TWIST2: variants seen among roughly 807,000 people sequenced by gnomAD.
TWIST2 encodes the protein twist family bHLH transcription factor 2.
TWIST2 carries 1 observed loss-of-function variant against 11.6 expected under a neutral mutation model. The ratio of observed to expected loss-of-function variants is 0.09; its 90% CI spans 0.03 to 0.41. TWIST2 has a LOEUF of 0.41. Among genes scored for constraint, TWIST2 ranks in the 10% least tolerant of loss-of-function variants. The probability of loss-of-function intolerance (pLI) is 0.98; values close to 1 mark genes in which losing one functional copy is unlikely to be tolerated. For missense variants in TWIST2, 168 were observed against 226.4 expected (o/e 0.74, Z 1.66); for synonymous variants, 87 against 96.6 (o/e 0.90, Z 0.58).
intron 1 of TWIST2, among the ~76,000 whole-genome samples, chr2:238,906,487 C>T (rs1693357758): frequency 6.6e-6 from 1 of 152,152 alleles, no homozygotes; most frequent in Non-Finnish European, 1.5e-5. Flanking sequence ...CACACAGACC[C>T]ACTCATGGAT....
chr2:238,848,233 C>T lies in TWIST2; in HGVS notation c.18C>T (p.Ser6=), dbSNP rs920803650. The T allele has an allele frequency of 6.8e-7, 1 of 1,460,290 alleles. No individual in the cohort carries two copies. The highest frequency in any genetic ancestry group is 9.1e-7 in the Non-Finnish European group (1 of 1,103,586). 90.5% of individuals were successfully genotyped at this position (1,460,290 alleles called of 1,614,324 possible). The change falls in exon 1 of 2, where the codon AGC becomes AGT. Residue 6 remains serine (S), a synonymous_variant. Coordinates refer to ENST00000612363, the MANE Select transcript of TWIST2 (RefSeq NM_001271893.4). ...CGGGCGCCATGGAGGAGGGCTCCAG[C>T]TCGCCCGTGTCCCCCGTGGACAGCC... is the stretch of plus-strand genomic sequence containing the variant. The part of the protein sequence containing the change: MEEGS[S]SPVSPVDSLG...
chr2:238,866,086 A>T lies in TWIST2; in HGVS notation c.*35+17353A>T, dbSNP rs1692527022. 6.6e-6 allele frequency among the ~76,000 whole-genome samples: 1 copy of T among 152,184 alleles called. No homozygotes were observed. Among genetic ancestry groups the T allele is most frequent in the African/African-American group, 2.4e-5 (1 of 41,456 alleles). On this transcript the variant is annotated intron_variant, in intron 1 of 1. Coordinates refer to ENST00000612363, the MANE Select transcript of TWIST2 (RefSeq NM_001271893.4). This position sits in a 1 kb window ranked among gnomAD's most constrained non-coding sequence, Gnocchi z 4.9. ...GCATGGACGATGCACCCCACACTGC[A>T]TCTGGTGTTACTGGGACCCACTGAA...
intron 1 of TWIST2, among the ~76,000 whole-genome samples, chr2:238,887,959 C>T (rs1382072030): frequency 6.6e-6 from 1 of 152,206 alleles, no homozygotes; most frequent in East Asian, 1.9e-4. Context: ...AACCCACGGC[C>T]GCCTCTCGTG....
intron 1 of TWIST2, among the ~76,000 whole-genome samples, chr2:238,856,341 CA>C (rs1692328313): frequency 6.6e-6 from 1 of 152,262 alleles, no homozygotes; most frequent in East Asian, 1.9e-4. Context: ...AAACAACAGG[CA>C]AAAGATGAGC....
chr2:238,889,592 G>T (rs987251418), intron 1 of TWIST2, among the ~76,000 whole-genome samples: 1 of 152,296 alleles, frequency 6.6e-6, no homozygotes, highest in African/African-American at 2.4e-5. Context: ...ATTTGTTGTT[G>T]AGTTGTCTCA....
At chr2:238,870,145 TAC>T (rs1692625924) in intron 1 of TWIST2, among the ~76,000 whole-genome samples, 1 of 14,972 alleles carries the variant, frequency 6.7e-5, no homozygotes, top group Non-Finnish European at 1.3e-4. Context: ...CCACACCCCA[TAC>T]ACACCACACC....
intron 1 of TWIST2, among the ~76,000 whole-genome samples, chr2:238,884,086 G>A (rs181038753): frequency 6.6e-6 from 1 of 152,302 alleles, no homozygotes; most frequent in Admixed American, 6.5e-5. Flanking sequence ...TGTCCTCAAA[G>A]TTCAGCCCCT....
At chr2:238,859,407 G>A (rs536858127) in intron 1 of TWIST2, among the ~76,000 whole-genome samples, 28 of 151,986 alleles carry the variant, frequency 1.8e-4, no homozygotes, top group South Asian at 1.0e-3. Flanking sequence ...AGGGGGTGTC[G>A]GGGGTGAGTG....
At chr2:238,879,162 C>T (rs1692860010) in intron 1 of TWIST2, among the ~76,000 whole-genome samples, 1 of 152,158 alleles carries the variant, frequency 6.6e-6, no homozygotes, top group Admixed American at 6.5e-5. Flanking sequence ...ACTGTGAGCC[C>T]CTCCTGGTGG....
chr2:238,909,373 C>T (rs1693414885), intron 1 of TWIST2, among the ~76,000 whole-genome samples: 3 of 152,096 alleles, frequency 2.0e-5, no homozygotes, highest in African/African-American at 4.8e-5. Flanking sequence ...AGCGGCTGAC[C>T]CATTTCTCTG....
intron 1 of TWIST2, among the ~76,000 whole-genome samples, chr2:238,905,938 T>TGCAC (rs1268842981): frequency 4.2e-5 from 6 of 142,696 alleles, no homozygotes; most frequent in African/African-American, 1.4e-4. Context: ...TGTGCGCGTG[T>TGCAC]GTGTGCGCGC....
At chr2:238,889,389 A>C (rs1394246721) in intron 1 of TWIST2, among the ~76,000 whole-genome samples, 1 of 151,932 alleles carries the variant, frequency 6.6e-6, no homozygotes, top group Non-Finnish European at 1.5e-5. Flanking sequence ...ATATATACAC[A>C]TAGACGTGTG....
chr2:238,909,348 T>C (rs1051279737), intron 1 of TWIST2, among the ~76,000 whole-genome samples: 9 of 152,076 alleles, frequency 5.9e-5, no homozygotes, highest in Non-Finnish European at 1.0e-4. Context: ...GAATCCGCCG[T>C]TGACAGCTCC....
intron 1 of TWIST2, among the ~76,000 whole-genome samples, chr2:238,901,882 A>T (rs1450148121): frequency 6.6e-6 from 1 of 151,978 alleles, no homozygotes; most frequent in Non-Finnish European, 1.5e-5. Flanking sequence ...AGCCCTGAGC[A>T]TCTGGAAGCC....
At chr2:238,868,898 G>A (rs1692594955) in intron 1 of TWIST2, among the ~76,000 whole-genome samples, 1 of 152,216 alleles carries the variant, frequency 6.6e-6, no homozygotes, top group South Asian at 2.1e-4. Flanking sequence ...TGATGGAGGT[G>A]GCATCCACCT....
At chr2:238,907,842 AC>A (rs1379454186) in intron 1 of TWIST2, among the ~76,000 whole-genome samples, 1 of 144,352 alleles carries the variant, frequency 6.9e-6, no homozygotes, top group Admixed American at 6.8e-5. Context: ...CTACACACAC[AC>A]CCCCACACTG....
intron 1 of TWIST2, among the ~76,000 whole-genome samples, chr2:238,894,318 C>A (rs962216805): frequency 3.3e-5 from 5 of 152,162 alleles, no homozygotes; most frequent in Admixed American, 1.3e-4. Context: ...CGAGATGACT[C>A]CTCCTCTCTA....
At chr2:238,874,596 C>A (rs1436869440) in intron 1 of TWIST2, among the ~76,000 whole-genome samples, 1 of 152,188 alleles carries the variant, frequency 6.6e-6, no homozygotes, top group East Asian at 1.9e-4. Flanking sequence ...CACTAAAAAT[C>A]TTTAATATTA....
intron 1 of TWIST2, among the ~76,000 whole-genome samples, chr2:238,878,413 T>C (rs574446917): frequency 6.6e-6 from 1 of 151,892 alleles, no homozygotes; most frequent in South Asian, 2.1e-4. Context: ...AACGCCAGAG[T>C]GTGATGAGAA....
Sources: allele counts gnomAD v4.1 joint callset (sites outside exome capture counted in the v4.1 genomes callset), GRCh38; gene constraint gnomAD v4.1.1; non-coding constraint Gnocchi (gnomAD v3.1); transcripts MANE v1.5; gene names NCBI Gene and HGNC (gene_info 2026-07-23, HGNC 2026-07-21).